Variants in SGCZ observed in about 807,000 individuals in gnomAD.
SGCZ encodes zeta-sarcoglycan.
Under a neutral mutation model 41.3 loss-of-function variants are expected in SGCZ, and 40 were observed. The ratio of observed to expected loss-of-function variants is 0.97; its 90% CI spans 0.75 to 1.26. SGCZ has a LOEUF of 1.26. Among genes scored for constraint, SGCZ ranks in the 50% most tolerant of loss-of-function variants. The pLI is 0.00. For synonymous variants in SGCZ, 206 were observed against 137.5 expected, an observed-to-expected ratio of 1.50 and a Z score of -3.49; for missense variants, 552 against 369.8, an observed-to-expected ratio of 1.49 and a Z score of -4.04.
intron 2 of SGCZ, among the ~76,000 whole-genome samples, chr8:14,341,419 T>A (rs1802700651): frequency 6.6e-6 from 1 of 152,172 alleles, no homozygotes. Context: ...TTCCTCCACA[T>A]CATCACTAAC....
intron 2 of SGCZ, among the ~76,000 whole-genome samples, chr8:14,481,117 A>T (rs1356075339): frequency 6.6e-6 from 1 of 152,212 alleles, no homozygotes; most frequent in African/African-American, 2.4e-5. Flanking sequence ...AGAATAATAC[A>T]AATAACCCAA....
intron 1 of SGCZ, among the ~76,000 whole-genome samples, chr8:14,640,515 C>A (rs1806985379): frequency 6.6e-6 from 1 of 151,654 alleles, no homozygotes. Context: ...ATCAGTTTCA[C>A]AATAATGTAT....
rs1808017709 is a variant in SGCZ at position 14,669,256 on chromosome 8, G to C, written c.40-114330C>G. Reference sequence around the variant, plus strand: ...ACCTGTAATCCCAGCTACTCAGGAGGTGAGAGGCAGGAGGATCGCTTGAGT... The same window carrying C: ...ACCTGTAATCCCAGCTACTCAGGAGCTGAGAGGCAGGAGGATCGCTTGAGT... On this transcript the variant is annotated intron_variant, in intron 1 of 7. Coordinates refer to ENST00000382080, the MANE Select transcript of SGCZ (RefSeq NM_139167.4). Among the ~76,000 whole-genome samples, 4 of 151,640 alleles carry C rather than the reference G, an allele frequency of 2.6e-5. No homozygotes were observed. The South Asian group carries it at 8.4e-4, about 32-fold the overall frequency.
intron 1 of SGCZ, among the ~76,000 whole-genome samples, chr8:15,002,403 G>A (rs527294261): frequency 2.0e-5 from 3 of 152,078 alleles, no homozygotes; most frequent in African/African-American, 7.2e-5. Context: ...CATATAGTAC[G>A]TTTTATTTTA....
chr8:14,418,170 A>C (rs1799547240), intron 2 of SGCZ, among the ~76,000 whole-genome samples: 1 of 151,948 alleles, frequency 6.6e-6, no homozygotes, highest in African/African-American at 2.4e-5. Flanking sequence ...TTTACATATT[A>C]AGAAAAGCAG....
At chr8:14,400,889 A>G (rs1444563078) in intron 2 of SGCZ, among the ~76,000 whole-genome samples, 4 of 152,178 alleles carry the variant, frequency 2.6e-5, no homozygotes, top group African/African-American at 9.6e-5. Flanking sequence ...AGTTTAAATT[A>G]ATTTATGTAA....
chr8:14,185,542 G>C (rs1056540615), intron 4 of SGCZ, among the ~76,000 whole-genome samples: 3 of 151,640 alleles, frequency 2.0e-5, no homozygotes, highest in Non-Finnish European at 2.9e-5. Flanking sequence ...CATTTCATGT[G>C]ATCTTTCTCA....
In SGCZ at chr8:14,718,810, CTT is replaced by C. The variant is rs1015593832; in HGVS notation, c.40-163886_40-163885del. Among the ~76,000 whole-genome samples, 139 of 150,316 alleles carry C rather than the reference CTT, an allele frequency of 9.2e-4. 1 individual carries two copies. The highest frequency in any genetic ancestry group is 3.1e-3 in the African/African-American group (127 of 41,148). ...GAAATCCCTTCTTCTTACTTCCACT[CTT>C]TGTCTTTTTTCTTTTTTTTTGTTTA... On this transcript the variant is annotated intron_variant, in intron 1 of 7. Coordinates refer to ENST00000382080, the MANE Select transcript of SGCZ (RefSeq NM_139167.4).
At chr8:14,346,216 G>C (rs922766101) in intron 2 of SGCZ, among the ~76,000 whole-genome samples, 8 of 151,908 alleles carry the variant, frequency 5.3e-5, no homozygotes, top group African/African-American at 1.9e-4. Context: ...TTGATATATG[G>C]GAATTGTTTG....
chr8:14,922,230 C>G (rs1799609171), intron 1 of SGCZ, among the ~76,000 whole-genome samples: 1 of 151,798 alleles, frequency 6.6e-6, no homozygotes, highest in Admixed American at 6.6e-5. Flanking sequence ...ACTGTCCTTC[C>G]TTGTGAAATA....
chr8:14,606,854 T>C (rs1805767300), intron 1 of SGCZ, among the ~76,000 whole-genome samples: 1 of 152,174 alleles, frequency 6.6e-6, no homozygotes, highest in Admixed American at 6.6e-5. Flanking sequence ...TTTTGTTTGA[T>C]TCTTTATGTC....
At chr8:14,800,153 G>A (rs1801273722) in intron 1 of SGCZ, among the ~76,000 whole-genome samples, 1 of 106,712 alleles carries the variant, frequency 9.4e-6, no homozygotes, top group Admixed American at 1.0e-4. Flanking sequence ...TGTATATTTT[G>A]CCTCCTTTTT....
intron 2 of SGCZ, among the ~76,000 whole-genome samples, chr8:14,497,280 A>G (rs1802016568): frequency 6.6e-6 from 1 of 152,266 alleles, no homozygotes; most frequent in South Asian, 2.1e-4. Context: ...GCTTATAATC[A>G]TGGAAGAAGG....
intron 1 of SGCZ, among the ~76,000 whole-genome samples, chr8:14,907,631 C>G (rs2130770969): frequency 6.6e-6 from 1 of 152,100 alleles, no homozygotes; most frequent in East Asian, 1.9e-4. Flanking sequence ...TGCTTGAGGC[C>G]AGAAGTTCAA....
intron 2 of SGCZ, among the ~76,000 whole-genome samples, chr8:14,412,009 C>T (rs535711062): frequency 3.9e-5 from 6 of 152,160 alleles, no homozygotes; most frequent in Admixed American, 3.3e-4. Flanking sequence ...AATGCAAGGG[C>T]GTGCATCTTC....
intron 3 of SGCZ, among the ~76,000 whole-genome samples, chr8:14,288,411 G>T (rs1218611083): frequency 1.3e-5 from 2 of 152,000 alleles, no homozygotes; most frequent in African/African-American, 4.8e-5. Context: ...AGGATATCTT[G>T]TATCTTTTAA....
At chr8:14,776,267 G>A (rs1178833416) in intron 1 of SGCZ, among the ~76,000 whole-genome samples, 1 of 152,084 alleles carries the variant, frequency 6.6e-6, no homozygotes, top group African/African-American at 2.4e-5. Flanking sequence ...GAGAATAAGT[G>A]AATCATGGGG....
intron 3 of SGCZ, among the ~76,000 whole-genome samples, chr8:14,241,542 C>CT (rs5889524): frequency 0.68 from 100,741 of 147,708 alleles, 34,546 homozygotes; most frequent in South Asian, 0.79. Context: ...ACATAAATAT[C>CT]TTTTTTTTTT....
At chr8:15,172,633 A>T (rs1320340470) in intron 1 of SGCZ, among the ~76,000 whole-genome samples, 1 of 152,072 alleles carries the variant, frequency 6.6e-6, no homozygotes, top group Admixed American at 6.6e-5. Context: ...TACCAAAGAA[A>T]CTCTTGTCAA....
Sources: allele counts gnomAD v4.1 joint callset (sites outside exome capture counted in the v4.1 genomes callset), GRCh38; gene constraint gnomAD v4.1.1; transcripts MANE v1.5; gene names NCBI Gene and HGNC (gene_info 2026-07-23, HGNC 2026-07-21).